The following ANAPC7 variants were observed in gnomAD, a reference collection of about 807,000 sequenced individuals.
ANAPC7 encodes anaphase promoting complex subunit 7, also known as anaphase-promoting complex subunit 7.
ANAPC7 carries 25 observed loss-of-function variants against 63.3 expected under a neutral mutation model. The ratio of observed to expected loss-of-function variants is 0.39; its 90% CI spans 0.29 to 0.55. The LOEUF (loss-of-function observed/expected upper bound fraction) is 0.55, where lower values mean the gene tolerates loss of function less well. ANAPC7 is among the 20% of genes least tolerant of loss of function. ANAPC7 has a pLI of 0.57. For synonymous variants in ANAPC7, 241 were observed against 251.7 expected, an observed-to-expected ratio of 0.96 and a Z score of 0.40; for missense variants, 516 against 691.7, an observed-to-expected ratio of 0.75 and a Z score of 2.85.
At chr12:110,391,338 A>C (rs1242412250) in intron 3 of ANAPC7, among the ~76,000 whole-genome samples, 1 of 152,228 alleles carries the variant, frequency 6.6e-6, no homozygotes, top group Non-Finnish European at 1.5e-5. Context: ...TTTACTCTTA[A>C]AAGGTGAAGA....
Position 110,387,740 on chromosome 12 carries a change from A to G in ANAPC7, c.673T>C (p.Cys225Arg), listed in dbSNP as rs1411931730. 9 of 1,610,810 alleles carry G rather than the reference A, an allele frequency of 5.6e-6. No individual in the cohort carries two copies. The highest frequency in any genetic ancestry group is 7.6e-6 in the Non-Finnish European group (9 of 1,177,364). ...GDNSRAISTI[C>R]SLEKKSLLRD... ...CTGAATTAACTTTGTGGCTCTCACC[A>G]GATGGTACTGATTGCTCTTGAGTTG... Residue 225 changes from cysteine to arginine, a missense_variant and splice_region_variant, in exon 5 of 11, where the codon TGT becomes CGT. Transcript: ENST00000455511.
At position 110,395,679 on chromosome 12, in the gene ANAPC7, C is replaced by A. The variant is rs181954385; in HGVS notation, c.289-459G>T. ...TCAGCCTCCCAAGTAGCTGGGACTA[C>A]AGGCATCCACCACCATGCCTGGCTA... On this transcript the variant is annotated intron_variant, in intron 2 of 10. Coordinates refer to ENST00000455511, the MANE Select transcript of ANAPC7 (RefSeq NM_016238.3). 8.3e-3 allele frequency among the ~76,000 whole-genome samples: 1,256 copies of A among 152,094 alleles called. 1 individual carries two copies. Among genetic ancestry groups the A allele is most frequent in the Non-Finnish European group, 9.4e-3 (639 of 68,002 alleles).
rs200412886 is a variant in ANAPC7, at chr12:110,386,444, G to C, written c.700C>G (p.Arg234Gly). 6.2e-7 allele frequency: 1 copy of C among 1,612,066 alleles called. No individual in the cohort carries two copies. Among genetic ancestry groups the C allele is most frequent in the African/African-American group, 1.3e-5 (1 of 74,922 alleles). The change falls in exon 6 of 11, where the codon CGA becomes GGA. Residue 234 changes from arginine to glycine, a missense_variant. Arg to Gly is a moderately radical substitution (Grantham distance 125). This residue lies in a region of ANAPC7 where 199 missense variants were observed against 249.3 expected (regional missense o/e 0.80). Coordinates refer to ENST00000455511, the MANE Select transcript of ANAPC7 (RefSeq NM_016238.3). ...ICSLEKKSLL[R>G]DNVDLLGSLA... ...CTTCCCAATAGGTCCACGTTATCTC[G>C]CAATAAGGATTTTTTCTCTAGTGAA... is the stretch of plus-strand genomic sequence containing the variant.
At chr12:110,393,294 AT>A (rs1188766672) in intron 3 of ANAPC7, among the ~76,000 whole-genome samples, 16 of 152,186 alleles carry the variant, frequency 1.1e-4, no homozygotes, top group Non-Finnish European at 1.5e-5. Context: ...CTAAAAAAGT[AT>A]TTTTGCCACC....
At chr12:110,382,457 A>ATATATAC (rs1251192302) in intron 7 of ANAPC7, among the ~76,000 whole-genome samples, 3 of 65,268 alleles carry the variant, frequency 4.6e-5, no homozygotes, top group African/African-American at 2.1e-4. Context: ...AAAAAAAAAA[A>ATATATAC]AAAAATATAT....
In ANAPC7 at chr12:110,381,025, C is replaced by T. The variant is rs1251976155; in HGVS notation, c.1132+727G>A. ...ACAGAGAGATTCATATTAATGAGTACGCCACACTGGATGGGGGCGAGCGGT... is the reference window on the plus strand; with the variant it reads ...ACAGAGAGATTCATATTAATGAGTATGCCACACTGGATGGGGGCGAGCGGT... On this transcript the variant is annotated intron_variant, in intron 8 of 10. Transcript: ENST00000455511. Among the ~76,000 whole-genome samples, 118 of 150,544 alleles carry T rather than the reference C, an allele frequency of 7.8e-4. 2 individuals carry two copies. Among genetic ancestry groups the T allele is most frequent in the Non-Finnish European group, 4.9e-4 (33 of 67,752 alleles).
At chr12:110,387,301 G>GAC (rs1882620608) in intron 5 of ANAPC7, 1 of 129,462 alleles carries the variant, frequency 7.7e-6, no homozygotes, top group Admixed American at 7.6e-5. Context: ...GAGAGAGAGA[G>GAC]AGAGAGAGAC....
At chr12:110,392,090 CACAAAAAAAAAA>C (rs1443419261) in intron 3 of ANAPC7, among the ~76,000 whole-genome samples, 5 of 94,824 alleles carry the variant, frequency 5.3e-5, no homozygotes, top group Admixed American at 4.0e-4. Flanking sequence ...GACTCCACCT[CACAAAAAAAAAA>C]AAAAAAAAAA....
At position 110,373,991 on chromosome 12, in the gene ANAPC7, C is replaced by T. The variant is rs1881029715; in HGVS notation, c.*153G>A. The stretch of plus-strand genomic sequence containing the variant: ...TCAGGCTCTGTTTTAGAAATGAAGT[C>T]ACGACTAGGAATTGGGAGCGAGGGG... On this transcript the variant is annotated 3_prime_UTR_variant, in exon 11 of 11. Transcript: ENST00000455511. 3 of 826,748 alleles carry T rather than the reference C, an allele frequency of 3.6e-6. No individual in the cohort carries two copies. The highest frequency in any genetic ancestry group is 2.5e-5 in the South Asian group (1 of 40,254). 51.2% of individuals were successfully genotyped at this position (826,748 alleles called of 1,614,324 possible).
intron 5 of ANAPC7, chr12:110,387,239 C>CAGAGAG (rs1566268639): frequency 2.8e-5 from 1 of 35,234 alleles, no homozygotes; most frequent in Non-Finnish European, 5.8e-5. Flanking sequence ...GAGAGAGAGA[C>CAGAGAG]AGAGAGACAG....
At position 110,381,954 on chromosome 12, in the gene ANAPC7, G is replaced by GAAAAAAAAAAAAAAAAAAACAAAAAA; in HGVS notation, c.936-7_936-6insTTTTTTGTTTTTTTTTTTTTTTTTTT. 1.0e-6 allele frequency: 1 copy of GAAAAAAAAAAAAAAAAAAACAAAAAA among 975,624 alleles called. No homozygotes were observed. The highest frequency in any genetic ancestry group is 4.0e-5 in the East Asian group (1 of 24,886). 60.4% of individuals were successfully genotyped at this position (975,624 alleles called of 1,614,324 possible). On this transcript the variant is annotated splice_polypyrimidine_tract_variant and splice_region_variant and intron_variant, in intron 7 of 10. Transcript: ENST00000455511. ...TGCTATAGAAGCTGTGACAGCTGGA[G>GAAAAAAAAAAAAAAAAAAACAAAAAA]AAAAAAAAAAAAAAAAAAACACAAA...
chr12:110,381,952 G>GATA lies in ANAPC7; in HGVS notation c.936-5_936-4insTAT. On this transcript the variant is annotated splice_polypyrimidine_tract_variant and splice_region_variant and intron_variant, in intron 7 of 10. Coordinates refer to ENST00000455511, the MANE Select transcript of ANAPC7 (RefSeq NM_016238.3). Reference sequence around the variant, plus strand: ...TTTGCTATAGAAGCTGTGACAGCTGGAGAAAAAAAAAAAAAAAAAAACACA... The same window carrying GATA: ...TTTGCTATAGAAGCTGTGACAGCTGGATAAGAAAAAAAAAAAAAAAAAAACACA... The GATA allele has an allele frequency of 1.8e-6, 1 of 553,004 alleles. No individual in the cohort carries two copies. Among genetic ancestry groups the GATA allele is most frequent in the South Asian group, 4.1e-5 (1 of 24,184 alleles). The allele number at this position is 553,004 out of a possible 1,614,324, so 34.3% of individuals were successfully genotyped here.
chr12:110,395,776 G>C (rs188845505), intron 2 of ANAPC7, among the ~76,000 whole-genome samples: 147 of 152,126 alleles, frequency 9.7e-4, no homozygotes, highest in Middle Eastern at 3.4e-3. Flanking sequence ...CTGACCTCGT[G>C]ATCCGCCCGC....
At chr12:110,383,875 CAAAAAA>C (rs1159374781) in intron 6 of ANAPC7, among the ~76,000 whole-genome samples, 5,803 of 50,820 alleles carry the variant, frequency 0.11, 224 homozygotes, top group African/African-American at 0.2. Context: ...GACTCCGTCT[CAAAAAA>C]AAAAAAAAAA....
At chr12:110,375,646 G>A (rs1881195357) in intron 10 of ANAPC7, 5 of 857,150 alleles carry the variant, frequency 5.8e-6, no homozygotes, top group East Asian at 1.2e-4. Context: ...CACAGGTGGT[G>A]AAGGTAGTAT....
intron 7 of ANAPC7, among the ~76,000 whole-genome samples, chr12:110,382,587 T>C (rs1266035740): frequency 6.6e-6 from 1 of 150,494 alleles, no homozygotes; most frequent in African/African-American, 2.4e-5. Context: ...TTATTTATTT[T>C]TGAGACAAAA....
intron 3 of ANAPC7, among the ~76,000 whole-genome samples, chr12:110,391,057 G>T (rs115298242): frequency 0.019 from 2,833 of 152,176 alleles, 98 homozygotes; most frequent in African/African-American, 0.064. Context: ...AGGTGCAGCG[G>T]TACGCGCCTG....
chr12:110,386,299 C>T (rs748783622), intron 6 of ANAPC7, 28 bp downstream of exon 6: 2 of 1,613,130 alleles, frequency 1.2e-6, no homozygotes, highest in African/African-American at 2.7e-5. Flanking sequence ...ACAACAGCCA[C>T]TGTCTTCCTG....
chr12:110,377,172 T>C (rs946864449), intron 9 of ANAPC7, among the ~76,000 whole-genome samples: 2 of 146,702 alleles, frequency 1.4e-5, no homozygotes, highest in Admixed American at 1.4e-4. Flanking sequence ...GTGAGCCGAA[T>C]AGATACCAAC....
Sources: allele counts gnomAD v4.1 joint callset (sites outside exome capture counted in the v4.1 genomes callset), GRCh38; gene constraint gnomAD v4.1.1; regional missense constraint gnomAD v4.1.1; transcripts MANE v1.5; gene names NCBI Gene and HGNC (gene_info 2026-07-23, HGNC 2026-07-21).